DRC8: variants seen among roughly 807,000 people sequenced by gnomAD.
DRC8 encodes dynein regulatory complex subunit 8, also known as dynein regulatory complex protein 8.
chr1:245,032,002 C>T, the DRC8 span, among the ~76,000 whole-genome samples: 13 of 152,264 alleles, frequency 8.5e-5, 1 homozygote, highest in African/African-American at 3.1e-4. Context: ...ACTAGTGATA[C>T]CACTTTATGC....
chr1:245,025,558 A>G, the DRC8 span, among the ~76,000 whole-genome samples: 3 of 152,196 alleles, frequency 2.0e-5, no homozygotes, highest in Admixed American at 2.0e-4. Flanking sequence ...GATGGGGCCC[A>G]ATCCTGGAAT....
the DRC8 span, among the ~76,000 whole-genome samples, chr1:245,034,863 T>TTG: frequency 6.7e-6 from 1 of 148,602 alleles, no homozygotes; most frequent in African/African-American, 2.5e-5. Context: ...AATGAAAGTT[T>TTG]TTTTTTTTTT....
chr1:245,101,105 G>A, the DRC8 span, among the ~76,000 whole-genome samples: 3 of 152,056 alleles, frequency 2.0e-5, no homozygotes, highest in African/African-American at 4.8e-5. Context: ...GGCTGGTCTC[G>A]AACTCCTGAC....
the DRC8 span, among the ~76,000 whole-genome samples, chr1:244,974,696 T>C: frequency 6.6e-6 from 1 of 152,178 alleles, no homozygotes; most frequent in African/African-American, 2.4e-5. Flanking sequence ...GGTCTTGCTC[T>C]GCTGCCCAGG....
At chr1:245,029,930 A>G in the DRC8 span, among the ~76,000 whole-genome samples, 17 of 152,222 alleles carry the variant, frequency 1.1e-4, no homozygotes, top group South Asian at 2.1e-4. Context: ...ATCAAGTGCA[A>G]ATTTTGCTGT....
the DRC8 span, among the ~76,000 whole-genome samples, chr1:245,018,160 G>A: frequency 1.3e-5 from 2 of 148,600 alleles, no homozygotes; most frequent in Non-Finnish European, 3.0e-5. Context: ...CCGGGAGGCA[G>A]AGGTTGCAGT....
chr1:245,032,813 T>C, the DRC8 span, among the ~76,000 whole-genome samples: 1 of 152,030 alleles, frequency 6.6e-6, no homozygotes, highest in African/African-American at 2.4e-5. Context: ...GTGTAAGCAA[T>C]ACAAATCCAT....
At chr1:245,005,295 C>T in the DRC8 span, among the ~76,000 whole-genome samples, 2 of 151,248 alleles carry the variant, frequency 1.3e-5, no homozygotes, top group Non-Finnish European at 2.9e-5. Flanking sequence ...ATGAGTTGGG[C>T]AGTGCTTCCG....
chr1:245,028,865 C>G, the DRC8 span, among the ~76,000 whole-genome samples: 1 of 152,208 alleles, frequency 6.6e-6, no homozygotes, highest in Non-Finnish European at 1.5e-5. Context: ...TAGCCATACA[C>G]AAGGAAATGC....
chr1:244,970,289 GGTCTTCCTCCCCC>G, the DRC8 span: 1 of 802,636 alleles, frequency 1.2e-6, no homozygotes, highest in Non-Finnish European at 2.1e-6. Flanking sequence ...CCCGCCCAAG[GGTCTTCCTCCCCC>G]GGGATTCAGA....
chr1:244,974,017 C>G, the DRC8 span, among the ~76,000 whole-genome samples: 1 of 151,894 alleles, frequency 6.6e-6, no homozygotes, highest in Non-Finnish European at 1.5e-5. Flanking sequence ...AAAAGTTTAA[C>G]CTTTAGAACC....
the DRC8 span, among the ~76,000 whole-genome samples, chr1:245,111,197 G>A: frequency 1.3e-5 from 2 of 152,184 alleles, no homozygotes; most frequent in East Asian, 3.8e-4. Context: ...TTAAAAGGCA[G>A]CAGGGAGTCA....
the DRC8 span, chr1:245,017,233 C>A: frequency 6.3e-7 from 1 of 1,589,272 alleles, no homozygotes; most frequent in African/African-American, 1.4e-5. Flanking sequence ...TTTACTTTGT[C>A]TTTTGCAGAG....
chr1:245,088,646 C>T, the DRC8 span, among the ~76,000 whole-genome samples: 142 of 152,280 alleles, frequency 9.3e-4, 1 homozygote, highest in African/African-American at 3.1e-3. The surrounding 1 kb of genome is among the most constrained non-coding windows in gnomAD (Gnocchi z 4.6). Context: ...GTGCAAGTGC[C>T]GAAGAGAGGC....
At chr1:244,986,725 A>G in the DRC8 span, among the ~76,000 whole-genome samples, 2 of 150,256 alleles carry the variant, frequency 1.3e-5, no homozygotes, top group Non-Finnish European at 3.0e-5. Flanking sequence ...AGCCTGGGTA[A>G]CATAGTGAGA....
chr1:245,045,666 T>G, the DRC8 span, among the ~76,000 whole-genome samples: 1 of 151,980 alleles, frequency 6.6e-6, no homozygotes, highest in African/African-American at 2.4e-5. Context: ...CAAACAGGAG[T>G]TGGTTTTCGC....
At chr1:245,124,426 T>C in the DRC8 span, 2 of 152,186 alleles carry the variant, frequency 1.3e-5, 1 homozygote, top group African/African-American at 4.8e-5. Context: ...ACAGGCATTT[T>C]GGCACCATGA....
chr1:245,041,839 G>C, the DRC8 span, among the ~76,000 whole-genome samples: 2 of 152,218 alleles, frequency 1.3e-5, 1 homozygote, highest in African/African-American at 4.8e-5. Context: ...ACCAGGTGAG[G>C]GCACAGGGAG....
the DRC8 span, among the ~76,000 whole-genome samples, chr1:245,092,137 G>A: frequency 6.6e-6 from 1 of 152,288 alleles, no homozygotes; most frequent in Admixed American, 6.5e-5. Context: ...TTCACTTCCT[G>A]TGCACCTCTG....
Sources: gnomAD v4.1 joint callset for allele counts (sites outside exome capture counted in the v4.1 genomes callset) on GRCh38, gnomAD v4.1.1 for gene constraint, Gnocchi (gnomAD v3.1) non-coding constraint, MANE v1.5 for transcripts, NCBI Gene and HGNC (gene_info 2026-07-23, HGNC 2026-07-21) for gene names.